Variants in PRIMPOL observed in about 807,000 individuals in gnomAD.
PRIMPOL encodes DNA-directed primase/polymerase protein.
PRIMPOL carries 54 observed loss-of-function variants against 63.6 expected under a neutral mutation model. That is an observed-to-expected ratio of 0.85 (90% confidence interval 0.68 to 1.07). The LOEUF (loss-of-function observed/expected upper bound fraction) is 1.07, where lower values mean the gene tolerates loss of function less well. Ranked by LOEUF, PRIMPOL falls within the 50% of genes least tolerant of loss-of-function variation. The pLI, the probability that PRIMPOL is intolerant of heterozygous loss-of-function variation, is 0.00. For missense variants in PRIMPOL, 610 were observed against 648.3 expected, an observed-to-expected ratio of 0.94 and a Z score of 0.64; for synonymous variants, 197 against 220.2, an observed-to-expected ratio of 0.89 and a Z score of 0.93.
At chr4:184,681,544 ATTTTTATTG>A (rs879814033) in intron 8 of PRIMPOL, among the ~76,000 whole-genome samples, 96 of 151,808 alleles carry the variant, frequency 6.3e-4, no homozygotes, top group Admixed American at 1.2e-3. Context: ...TATTTTTATT[ATTTTTATTG>A]TTTTTTTATT....
chr4:184,691,451 C>A, intron 11 of PRIMPOL, 48 bp from the exon 12 acceptor site: 1 of 1,146,288 alleles, frequency 8.7e-7, no homozygotes, highest in Non-Finnish European at 1.3e-6. Context: ...ATTTTGTTTT[C>A]TACCCAGTCT....
At chr4:184,668,380 G>C (rs931890068) in intron 6 of PRIMPOL, among the ~76,000 whole-genome samples, 1 of 152,260 alleles carries the variant, frequency 6.6e-6, no homozygotes, top group Non-Finnish European at 1.5e-5. Flanking sequence ...AGAGTGCGCT[G>C]ATTCTGCCAC....
Position 184,682,323 on chromosome 4 carries a change from T to C in PRIMPOL, c.1083T>C (p.Ser361=), listed in dbSNP as rs769194267. Residue 361 remains serine, a synonymous_variant, in exon 9 of 14, where the codon AGT becomes AGC. Coordinates refer to ENST00000314970, the MANE Select transcript of PRIMPOL (RefSeq NM_152683.4). The part of the protein sequence containing the change: ...NKQKGVGYFN[S]IGTSVETIEG... ...AAAAAGGAGTTGGATATTTTAACAG[T>C]ATCGGCACTTCAGGTAAATTTTTTG... 2 of 1,579,474 alleles carry C rather than the reference T, an allele frequency of 1.3e-6. No homozygotes were observed. The highest frequency in any genetic ancestry group is 1.7e-6 in the Non-Finnish European group (2 of 1,149,702).
At position 184,691,718 on chromosome 4, in the gene PRIMPOL, TAC is replaced by T. The variant is rs1394127642; in HGVS notation, c.1425+8_1425+9del. 1 of 1,607,610 alleles carries T rather than the reference TAC, an allele frequency of 6.2e-7. No individual in the cohort carries two copies. The highest frequency in any genetic ancestry group is 1.7e-5 in the Admixed American group (1 of 59,976). The stretch of plus-strand genomic sequence containing the variant: ...TCCTGTTTCTTTTCAAAGAGGTAAG[TAC>T]AGATTTTAGTGTCTTTCTCCTTACC... On this transcript the variant is annotated splice_region_variant and intron_variant, in intron 13 of 13. Coordinates refer to ENST00000314970, the MANE Select transcript of PRIMPOL (RefSeq NM_152683.4).
At chr4:184,669,075 C>G (rs1750858372) in intron 6 of PRIMPOL, among the ~76,000 whole-genome samples, 1 of 152,136 alleles carries the variant, frequency 6.6e-6, no homozygotes, top group Non-Finnish European at 1.5e-5. Context: ...GTCCTCCTTA[C>G]CATTCGTGCA....
chr4:184,653,237 C>T (rs1230409210), intron 2 of PRIMPOL, among the ~76,000 whole-genome samples: 1 of 152,058 alleles, frequency 6.6e-6, no homozygotes, highest in African/African-American at 2.4e-5. Flanking sequence ...CCTTCAGCTG[C>T]TCCTGGAATC....
chr4:184,666,613 A>G (rs78074278), intron 6 of PRIMPOL, among the ~76,000 whole-genome samples: 3,795 of 152,324 alleles, frequency 0.025, 77 homozygotes, highest in Middle Eastern at 0.044. Context: ...ATCCATGTCC[A>G]GATAGTGGTT....
chr4:184,667,294 G>A (rs1750200469), intron 6 of PRIMPOL, among the ~76,000 whole-genome samples: 1 of 149,514 alleles, frequency 6.7e-6, no homozygotes, highest in African/African-American at 2.5e-5. Flanking sequence ...TGGACTTAGA[G>A]GCATGGAGAA....
chr4:184,664,031 T>C (rs895883032), intron 5 of PRIMPOL, among the ~76,000 whole-genome samples: 2 of 152,250 alleles, frequency 1.3e-5, no homozygotes, highest in African/African-American at 4.8e-5. Flanking sequence ...GAATGAATTC[T>C]GGTGCTAATG....
At chr4:184,678,003 T>C (rs1339541857) in intron 7 of PRIMPOL, among the ~76,000 whole-genome samples, 2 of 152,238 alleles carry the variant, frequency 1.3e-5, no homozygotes, top group African/African-American at 4.8e-5. Context: ...TTGTTTCAGT[T>C]GCAGAATTGC....
At chr4:184,657,502 T>TTCCTGTGAA (rs2150036224) in intron 3 of PRIMPOL, 182 bp downstream of exon 3, 1 of 526,364 alleles carries the variant, frequency 1.9e-6, no homozygotes. Context: ...AGGAAAAATA[T>TTCCTGTGAA]TCCTGTGAAT....
At chr4:184,671,934 G>T (rs1365026485) in intron 6 of PRIMPOL, among the ~76,000 whole-genome samples, 1 of 151,890 alleles carries the variant, frequency 6.6e-6, no homozygotes, top group East Asian at 1.9e-4. Context: ...TAGAGACGGG[G>T]TTTCACCGTG....
Position 184,694,792 on chromosome 4 carries a change from GA to G in PRIMPOL, c.*15del. The G allele has an allele frequency of 6.3e-7, 1 of 1,592,872 alleles. No homozygotes were observed. The highest frequency in any genetic ancestry group is 1.3e-5 in the African/African-American group (1 of 74,582). ...ATTACAAGAGTAACTAATTCACTAT[GA>G]ACACTTTTGTCACCAGGCTATAATT... is the stretch of plus-strand genomic sequence containing the variant. On this transcript the variant is annotated 3_prime_UTR_variant, in exon 14 of 14. Transcript: ENST00000314970.
chr4:184,674,837 G>A (rs1025955958), intron 7 of PRIMPOL, among the ~76,000 whole-genome samples: 4 of 152,110 alleles, frequency 2.6e-5, no homozygotes, highest in East Asian at 3.9e-4. Context: ...TTTACACGAC[G>A]AATCATTCAT....
chr4:184,689,515 C>T (rs1273387492), intron 11 of PRIMPOL, among the ~76,000 whole-genome samples: 4 of 125,254 alleles, frequency 3.2e-5, no homozygotes, highest in African/African-American at 1.3e-4. Flanking sequence ...TGCAGTGGTG[C>T]AATCTCGGCT....
At chr4:184,691,636 T>C (rs1412122617) in intron 12 of PRIMPOL, 30 bp from the exon 13 acceptor site, 2 of 1,605,458 alleles carry the variant, frequency 1.2e-6, no homozygotes, top group Non-Finnish European at 8.5e-7. Flanking sequence ...AACTGTAATA[T>C]GTAATAGTTT....
chr4:184,692,206 G>C (rs987615239), intron 13 of PRIMPOL, among the ~76,000 whole-genome samples: 2 of 152,050 alleles, frequency 1.3e-5, no homozygotes, highest in African/African-American at 4.8e-5. Context: ...AGGCACAGTG[G>C]CTCAGGCCTG....
intron 2 of PRIMPOL, among the ~76,000 whole-genome samples, chr4:184,656,164 T>C (rs1196293182): frequency 1.3e-5 from 2 of 152,182 alleles, no homozygotes; most frequent in Non-Finnish European, 2.9e-5. Flanking sequence ...AGTTATGGCA[T>C]GGCAATCTCA....
intron 8 of PRIMPOL, among the ~76,000 whole-genome samples, chr4:184,680,621 C>T (rs1561051649): frequency 6.6e-6 from 1 of 151,768 alleles, no homozygotes; most frequent in Non-Finnish European, 1.5e-5. Context: ...TGTTTTTCTT[C>T]ATATATATAT....
Sources: allele counts gnomAD v4.1 joint callset (sites outside exome capture counted in the v4.1 genomes callset), GRCh38; gene constraint gnomAD v4.1.1; transcripts MANE v1.5; gene names NCBI Gene and HGNC (gene_info 2026-07-23, HGNC 2026-07-21).